Variants in PARD3 observed in about 807,000 individuals in gnomAD.
PARD3 encodes partitioning defective 3 homolog.
In PARD3, 75 loss-of-function variants were observed where a neutral mutation model predicts 155.4. The observed-to-expected ratio is 0.48, with a 90% confidence interval of 0.40 to 0.58. The LOEUF (loss-of-function observed/expected upper bound fraction) is 0.58, where lower values mean the gene tolerates loss of function less well. Ranked by LOEUF, PARD3 falls within the 20% of genes least tolerant of loss-of-function variation. The pLI is 0.00. For missense variants in PARD3, 1,642 were observed against 1,721.7 expected (o/e 0.95, Z 0.82); for synonymous variants, 576 against 610.5 (o/e 0.94, Z 0.83).
chr10:34,367,832 T>C (rs531450454), intron 12 of PARD3, among the ~76,000 whole-genome samples: 16 of 152,354 alleles, frequency 1.1e-4, no homozygotes, highest in Admixed American at 9.1e-4. Flanking sequence ...ACTCTAACCT[T>C]TCTGAAGTTA....
At chr10:34,257,464 C>T (rs1209102423) in intron 22 of PARD3, among the ~76,000 whole-genome samples, 1 of 152,196 alleles carries the variant, frequency 6.6e-6, no homozygotes, top group Non-Finnish European at 1.5e-5. Context: ...GAAGCAGGAT[C>T]TTGGAGCTTT....
chr10:34,592,927 T>TA (rs1378423262), intron 2 of PARD3, among the ~76,000 whole-genome samples: 1 of 152,194 alleles, frequency 6.6e-6, no homozygotes, highest in Non-Finnish European at 1.5e-5. Context: ...CTTCTTCCCT[T>TA]ACCATATTCA....
At chr10:34,400,660 A>T (rs1282134845) in intron 6 of PARD3, among the ~76,000 whole-genome samples, 2 of 152,198 alleles carry the variant, frequency 1.3e-5, no homozygotes, top group Non-Finnish European at 2.9e-5. Flanking sequence ...TGTTTCTAAT[A>T]TAAAAACCTG....
chr10:34,673,054 G>GA (rs925350383), intron 2 of PARD3, among the ~76,000 whole-genome samples: 1 of 151,998 alleles, frequency 6.6e-6, no homozygotes, highest in African/African-American at 2.4e-5. Context: ...TGATCTAAAC[G>GA]ATTCTATTCT....
chr10:34,734,484 C>A (rs555984682), intron 1 of PARD3, among the ~76,000 whole-genome samples: 4 of 152,014 alleles, frequency 2.6e-5, no homozygotes, highest in African/African-American at 9.6e-5. Context: ...TACAGGCGCC[C>A]GCCACCATGC....
At chr10:34,319,183 G>A (rs1958220369) in intron 19 of PARD3, among the ~76,000 whole-genome samples, 1 of 150,834 alleles carries the variant, frequency 6.6e-6, no homozygotes, top group African/African-American at 2.4e-5. Flanking sequence ...CCACCTCCCG[G>A]GTTCATGTGA....
chr10:34,258,576 T>C (rs778878991), intron 22 of PARD3, among the ~76,000 whole-genome samples: 39 of 152,126 alleles, frequency 2.6e-4, no homozygotes, highest in Non-Finnish European at 5.0e-4. Context: ...CAGCTGGTGG[T>C]GCTGGAGAAA....
intron 22 of PARD3, among the ~76,000 whole-genome samples, chr10:34,225,390 G>A (rs1952538914): frequency 6.6e-6 from 1 of 151,602 alleles, no homozygotes; most frequent in Non-Finnish European, 1.5e-5. Context: ...TTGTTGCCCA[G>A]GCTGGAGTGC....
At chr10:34,433,886 A>AATGCC (rs2076066663) in intron 5 of PARD3, among the ~76,000 whole-genome samples, 1 of 152,214 alleles carries the variant, frequency 6.6e-6, no homozygotes, top group Non-Finnish European at 1.5e-5. Context: ...CAATGCCTCC[A>AATGCC]CACATTGAGT....
At chr10:34,364,709 T>C (rs952365214) in intron 12 of PARD3, among the ~76,000 whole-genome samples, 1 of 152,174 alleles carries the variant, frequency 6.6e-6, no homozygotes, top group Non-Finnish European at 1.5e-5. Flanking sequence ...GCTGGGATTA[T>C]AGGCAAGAGC....
In PARD3 at chr10:34,345,323, A is replaced by G. The variant is rs558066717; in HGVS notation, c.2218+2642T>C. ...ATGTGTTCACATAGGAATGCATCAC[A>G]AAGCCTCAAAGCTCCGTTTAGCCTA... is the stretch of plus-strand genomic sequence containing the variant. On this transcript the variant is annotated intron_variant, in intron 15 of 24. Transcript: ENST00000374788. 42 of 985,440 alleles carry G rather than the reference A, an allele frequency of 4.3e-5. No individual in the cohort carries two copies. The African/African-American group carries it at 7.1e-4, about 17-fold the overall frequency. The allele number at this position is 985,440 out of a possible 1,614,324, so 61.0% of individuals were successfully genotyped here.
intron 22 of PARD3, among the ~76,000 whole-genome samples, chr10:34,185,456 T>C (rs1282503544): frequency 6.6e-6 from 1 of 152,214 alleles, no homozygotes; most frequent in Non-Finnish European, 1.5e-5. Flanking sequence ...AGTCTTCATG[T>C]ATATTAAAAA....
chr10:34,784,478 C>G (rs1042812940), intron 1 of PARD3, among the ~76,000 whole-genome samples: 1 of 151,354 alleles, frequency 6.6e-6, no homozygotes, highest in East Asian at 1.9e-4. Context: ...CTCACTCTGT[C>G]GCCCAGGCTG....
chr10:34,731,217 T>C (rs370246136), intron 1 of PARD3, among the ~76,000 whole-genome samples: 4 of 152,246 alleles, frequency 2.6e-5, no homozygotes, highest in African/African-American at 9.6e-5. Context: ...GGAATTCTTC[T>C]ACAGAGCAGG....
chr10:34,318,428 G>C (rs1404239410), intron 19 of PARD3, among the ~76,000 whole-genome samples: 3 of 152,128 alleles, frequency 2.0e-5, no homozygotes, highest in African/African-American at 7.2e-5. Flanking sequence ...CATTATTTCT[G>C]AGTTTCTTAT....
At chr10:34,789,389 C>G (rs143178814) in intron 1 of PARD3, among the ~76,000 whole-genome samples, 258 of 152,274 alleles carry the variant, frequency 1.7e-3, no homozygotes, top group African/African-American at 5.9e-3. Flanking sequence ...ATTATGATTT[C>G]AATTATCAAT....
intron 22 of PARD3, among the ~76,000 whole-genome samples, chr10:34,178,678 G>A (rs1950138312): frequency 6.6e-6 from 1 of 152,124 alleles, no homozygotes; most frequent in Admixed American, 6.5e-5. Context: ...CACAGGGTTT[G>A]GGACCTACAA....
chr10:34,354,871 G>T (rs771453310), intron 14 of PARD3, among the ~76,000 whole-genome samples: 14 of 152,182 alleles, frequency 9.2e-5, no homozygotes, highest in Non-Finnish European at 1.8e-4. Flanking sequence ...GGACTGACGT[G>T]ATTAATGTGT....
chr10:34,169,089 T>C (rs1485895149), intron 22 of PARD3, among the ~76,000 whole-genome samples: 2 of 152,190 alleles, frequency 1.3e-5, no homozygotes, highest in African/African-American at 2.4e-5. Context: ...CAGTACACAC[T>C]TTCCCCTTTG....
Sources: allele counts gnomAD v4.1 joint callset (sites outside exome capture counted in the v4.1 genomes callset), GRCh38; gene constraint gnomAD v4.1.1; transcripts MANE v1.5; gene names NCBI Gene and HGNC (gene_info 2026-07-23, HGNC 2026-07-21).